Variants in TBC1D30 observed in about 807,000 individuals in gnomAD.
TBC1D30 encodes TBC1 domain family, member 30.
A neutral mutation model predicts 63.2 loss-of-function variants in TBC1D30; 31 were observed. That is an observed-to-expected ratio of 0.49 (90% CI 0.37 to 0.66). The LOEUF (loss-of-function observed/expected upper bound fraction) is 0.66. Among genes scored for constraint, TBC1D30 ranks in the 30% least tolerant of loss-of-function variants. The pLI is 0.00. For synonymous variants in TBC1D30, 307 were observed against 361.5 expected (o/e 0.85, Z 1.71); for missense variants, 810 against 953.6 (o/e 0.85, Z 1.98).
At chr12:64,825,847 G>A (rs2136355881) in intron 1 of TBC1D30, among the ~76,000 whole-genome samples, 1 of 152,292 alleles carries the variant, frequency 6.6e-6, no homozygotes, top group South Asian at 2.1e-4. Context: ...TCCCTGGAGT[G>A]GCACCGGCTG....
chr12:64,839,370 T>A (rs1007651466), intron 7 of TBC1D30, among the ~76,000 whole-genome samples: 3 of 152,232 alleles, frequency 2.0e-5, no homozygotes, highest in African/African-American at 7.2e-5. Context: ...CAAAACATAT[T>A]ACCAAATAGA....
At chr12:64,825,977 C>A (rs1323637541) in intron 1 of TBC1D30, among the ~76,000 whole-genome samples, 3 of 152,196 alleles carry the variant, frequency 2.0e-5, no homozygotes, top group African/African-American at 7.2e-5. Context: ...TGCGGCACTG[C>A]CTTTCCCAAC....
In TBC1D30 at chr12:64,870,620, GTCTGAGA is replaced by G; in HGVS notation, c.1314_1320del (p.Arg439IlefsTer6). The stretch of plus-strand genomic sequence containing the variant: ...AGCGCAGAGCCAAATGAGGAGCAGA[GTCTGAGA>G]TCTAATAACATTGCAGAGCTGAGTC... On this transcript the variant is annotated frameshift_variant, in exon 11 of 12. Coordinates refer to ENST00000539867, the MANE Select transcript of TBC1D30 (RefSeq NM_015279.2). LOFTEE classifies it high-confidence loss of function. 1 of 1,536,182 alleles carries G rather than the reference GTCTGAGA, an allele frequency of 6.5e-7. No individual in the cohort carries two copies. The highest frequency in any genetic ancestry group is 1.2e-5 in the South Asian group (1 of 84,066).
chr12:64,788,416 A>C (rs1871725478), intron 2 of TBC1D30, among the ~76,000 whole-genome samples: 1 of 152,188 alleles, frequency 6.6e-6, no homozygotes, highest in South Asian at 2.1e-4. Flanking sequence ...CCAGCAGCTG[A>C]AAGCACAGAA....
rs2136352325 is a variant in TBC1D30 at position 64,824,788 on chromosome 12, C to A, written c.-92C>A. The A allele has an allele frequency of 1.4e-6, 2 of 1,458,802 alleles. No individual in the cohort carries two copies. The highest frequency in any genetic ancestry group is 2.5e-5 in the East Asian group (1 of 39,968). The allele number at this position is 1,458,802 out of a possible 1,614,324, so 90.4% of individuals were successfully genotyped here. A position where few individuals can be genotyped will look rare whatever the true frequency, so the allele number is the denominator to read the frequency against. ...CCCACGGGCCGGTCAGCCGCAGACA[C>A]TCACCCAGCTCCGCGAGCTCAGCCG... On this transcript the variant is annotated 5_prime_UTR_variant, in exon 1 of 12. Transcript: ENST00000539867.
At chr12:64,870,389 G>T (rs1592663102) in intron 10 of TBC1D30, among the ~76,000 whole-genome samples, 1 of 152,192 alleles carries the variant, frequency 6.6e-6, no homozygotes, top group East Asian at 1.9e-4. Flanking sequence ...TATAGCTCAT[G>T]TCAGACCCAC....
chr12:64,767,879 A>G (rs974362184), intron 1 of TBC1D30, among the ~76,000 whole-genome samples: 6 of 151,240 alleles, frequency 4.0e-5, no homozygotes, highest in African/African-American at 1.5e-4. Flanking sequence ...GGCGTGTGTC[A>G]TGACATTGCC....
chr12:64,775,843 C>T (rs1049076179), upstream of TBC1D30, among the ~76,000 whole-genome samples: 3 of 152,312 alleles, frequency 2.0e-5, no homozygotes, highest in East Asian at 1.9e-4. Flanking sequence ...CTCATTGCCA[C>T]GTGGCACTTA....
At chr12:64,853,716 C>T (rs1180193341) in intron 8 of TBC1D30, among the ~76,000 whole-genome samples, 1 of 152,184 alleles carries the variant, frequency 6.6e-6, no homozygotes, top group Non-Finnish European at 1.5e-5. Flanking sequence ...ATGGCACAAT[C>T]CCTCAAGGCT....
At chr12:64,815,606 T>C (rs115469098) in intron 2 of TBC1D30, among the ~76,000 whole-genome samples, 1 of 152,254 alleles carries the variant, frequency 6.6e-6, no homozygotes, top group African/African-American at 2.4e-5. Context: ...GGAAATAAAT[T>C]CATGAAAAAA....
intron 1 of TBC1D30, among the ~76,000 whole-genome samples, chr12:64,765,020 G>A (rs779661805): frequency 3.0e-4 from 46 of 152,170 alleles, no homozygotes; most frequent in Non-Finnish European, 4.6e-4. Flanking sequence ...ACTATCATGA[G>A]TAAAAAGTAC....
At chr12:64,781,301 C>T (rs1871271598) in intron 1 of TBC1D30, 4 of 1,107,578 alleles carry the variant, frequency 3.6e-6, no homozygotes, top group Non-Finnish European at 3.3e-6. Context: ...GGGCCGGGCG[C>T]AGCAGGGTCC....
chr12:64,779,553 C>A (rs1871173121), upstream of TBC1D30, among the ~76,000 whole-genome samples: 3 of 152,048 alleles, frequency 2.0e-5, no homozygotes, highest in Admixed American at 2.0e-4. Context: ...AGATTTCTAC[C>A]GGCAGGGTCA....
intron 1 of TBC1D30, among the ~76,000 whole-genome samples, chr12:64,781,691 C>CTTTTTTTT (rs34191075): frequency 6.9e-6 from 1 of 145,132 alleles, no homozygotes; most frequent in Non-Finnish European, 1.5e-5. Flanking sequence ...CTGTTCTTTC[C>CTTTTTTTT]TTTTTTTTTT....
chr12:64,767,820 T>G, intron 1 of TBC1D30, among the ~76,000 whole-genome samples: 1 of 143,674 alleles, frequency 7.0e-6, no homozygotes, highest in South Asian at 2.3e-4. Context: ...AGATAGGCTC[T>G]ATGAAAATTT....
At chr12:64,808,003 C>T (rs1202404333) in intron 2 of TBC1D30, among the ~76,000 whole-genome samples, 7 of 143,860 alleles carry the variant, frequency 4.9e-5, no homozygotes, top group Non-Finnish European at 1.5e-5. Flanking sequence ...GATCCCCTCA[C>T]CTCAGTCCTG....
chr12:64,875,158 C>A lies in TBC1D30; in HGVS notation c.1656C>A (p.Val552=), dbSNP rs1442005342. ...ACACAGGAGGGAAAATATCTCCTGTCCCCTACGAAGACCTTAAGACGAAGC... is the reference window on the plus strand; with the variant it reads ...ACACAGGAGGGAAAATATCTCCTGTACCCTACGAAGACCTTAAGACGAAGC... ...PGHTGGKISP[V]PYEDLKTKLN... is the part of the protein sequence containing the mutation. The change falls in exon 12 of 12, where the codon GTC becomes GTA. Residue 552 remains valine (V), a synonymous_variant. Coordinates refer to ENST00000539867, the MANE Select transcript of TBC1D30 (RefSeq NM_015279.2). The A allele has an allele frequency of 1.3e-6, 2 of 1,536,346 alleles. No individual in the cohort carries two copies. The highest frequency in any genetic ancestry group is 4.9e-5 in the East Asian group (2 of 40,906).
chr12:64,870,501 T>G, intron 10 of TBC1D30, 101 bp from the exon 11 acceptor site: 1 of 905,322 alleles, frequency 1.1e-6, no homozygotes, highest in Non-Finnish European at 1.7e-6. Flanking sequence ...TAGAATTTCA[T>G]GGAGGTTAAG....
chr12:64,862,263 T>G (rs1330492077), intron 8 of TBC1D30, among the ~76,000 whole-genome samples: 1 of 152,222 alleles, frequency 6.6e-6, no homozygotes, highest in Non-Finnish European at 1.5e-5. Context: ...GGGATGCTTA[T>G]GCTCCTGGGA....
Sources: gnomAD v4.1 joint callset for allele counts (sites outside exome capture counted in the v4.1 genomes callset) on GRCh38, gnomAD v4.1.1 for gene constraint, MANE v1.5 for transcripts, NCBI Gene and HGNC (gene_info 2026-07-23, HGNC 2026-07-21) for gene names.